The following ZNF765 variants were observed in gnomAD, a reference collection of about 807,000 sequenced individuals.
ZNF765 encodes the protein zinc finger protein 765.
ZNF765 carries 37 observed loss-of-function variants against 44.7 expected under a neutral mutation model. The observed-to-expected ratio is 0.83, with a 90% CI of 0.64 to 1.09. The LOEUF (loss-of-function observed/expected upper bound fraction) is 1.09. Among genes scored for constraint, ZNF765 ranks in the 50% least tolerant of loss-of-function variants. The pLI, the probability that ZNF765 is intolerant of heterozygous loss-of-function variation, is 0.00. For missense variants in ZNF765, 594 were observed against 626.1 expected (o/e 0.95, Z 0.55); for synonymous variants, 201 against 213.7 (o/e 0.94, Z 0.52).
chr19:53,419,606 G>C (rs2085895607), intron 3 of ZNF765, among the ~76,000 whole-genome samples: 2 of 152,202 alleles, frequency 1.3e-5, no homozygotes, highest in African/African-American at 4.8e-5. Context: ...CAACAATTCG[G>C]TAAGTTGGTG....
chr19:53,400,294 C>T (rs2085710644), intron 2 of ZNF765, among the ~76,000 whole-genome samples: 1 of 152,162 alleles, frequency 6.6e-6, no homozygotes, highest in Non-Finnish European at 1.5e-5. Flanking sequence ...TTGACATCTG[C>T]ATTGGAAATT....
At chr19:53,414,365 G>C (rs2085857276), downstream of ZNF765, among the ~76,000 whole-genome samples, 1 of 149,684 alleles carries the variant, frequency 6.7e-6, no homozygotes, top group East Asian at 2.0e-4. Context: ...TCTGTCTTCG[G>C]GTGCCTTCCC....
At chr19:53,406,253 A>G (rs1346242928) in intron 3 of ZNF765, among the ~76,000 whole-genome samples, 1 of 148,232 alleles carries the variant, frequency 6.7e-6, no homozygotes, top group Non-Finnish European at 1.5e-5. Context: ...CTACTCTTGA[A>G]CTCCTCACCT....
exon 4 of ZNF765, chr19:53,426,250 A>G (rs910915694): frequency 6.6e-6 from 1 of 152,432 alleles, no homozygotes; most frequent in African/African-American, 2.4e-5. Context: ...GTCAGCGGGG[A>G]ATGTGCCTGC....
At chr19:53,407,206 T>G (rs539215889) in intron 3 of ZNF765, among the ~76,000 whole-genome samples, 1 of 152,314 alleles carries the variant, frequency 6.6e-6, no homozygotes, top group South Asian at 2.1e-4. Context: ...TCTTTTCTTA[T>G]CTTCTCAGTG....
rs750915228 is a variant in ZNF765, at chr19:53,407,810, T to C, written c.255T>C (p.Phe85=). The change falls in exon 4 of 4, where the codon TTT becomes TTC. Residue 85 remains phenylalanine, a synonymous_variant. Transcript: ENST00000396408. ...ATGAAAGTCATCACAATGGAGATTT[T>C]TGTTTCCAGGATATTGATAAAGATA... ...QRHESHHNGD[F]CFQDIDKDIH... The C allele has an allele frequency of 6.2e-7, 1 of 1,613,540 alleles. No homozygotes were observed. Among genetic ancestry groups the C allele is most frequent in the South Asian group, 1.1e-5 (1 of 90,930 alleles).
downstream of ZNF765, among the ~76,000 whole-genome samples, chr19:53,414,628 CAG>C (rs1165231807): frequency 2.6e-5 from 4 of 151,450 alleles, no homozygotes; most frequent in Admixed American, 2.0e-4. Context: ...TACGGGATGA[CAG>C]GGGCCTAGAG....
At chr19:53,418,398 G>A (rs1486637078) in intron 3 of ZNF765, among the ~76,000 whole-genome samples, 1 of 152,108 alleles carries the variant, frequency 6.6e-6, no homozygotes, top group African/African-American at 2.4e-5. Flanking sequence ...GCTGTGACAG[G>A]TAAAATGATC....
At position 53,398,144 on chromosome 19, in the gene ZNF765, C is replaced by G. The variant is rs755092374; in HGVS notation, c.15+114C>G. Reference sequence around the variant, plus strand: ...ATCTTGCCTGACAGGTTTGCTCGCACTCACCCATGCCTTCCTTCATTCCCT... The same window carrying G: ...ATCTTGCCTGACAGGTTTGCTCGCAGTCACCCATGCCTTCCTTCATTCCCT... On this transcript the variant is annotated intron_variant, in intron 2 of 3. Coordinates refer to ENST00000396408, the MANE Select transcript of ZNF765 (RefSeq NM_001040185.3). 8 of 1,562,610 alleles carry G rather than the reference C, an allele frequency of 5.1e-6. No individual in the cohort carries two copies. The African/African-American group carries it at 8.1e-5, about 16-fold the overall frequency.
chr19:53,416,040 T>A (rs2085872964), downstream of ZNF765, among the ~76,000 whole-genome samples: 2 of 152,024 alleles, frequency 1.3e-5, no homozygotes, highest in South Asian at 4.2e-4. Flanking sequence ...CTGCAACCTC[T>A]GCCTCCCAGG....
chr19:53,398,676 G>C (rs1277214478), intron 2 of ZNF765, among the ~76,000 whole-genome samples: 1 of 152,088 alleles, frequency 6.6e-6, no homozygotes, highest in Non-Finnish European at 1.5e-5. Context: ...GAGACTGTGG[G>C]GTTCCTGTGG....
downstream of ZNF765, among the ~76,000 whole-genome samples, chr19:53,415,224 C>G (rs1243783281): frequency 3.3e-5 from 5 of 151,162 alleles, no homozygotes; most frequent in Non-Finnish European, 5.9e-5. Context: ...AAGCGGAAAT[C>G]ACGCCATTGC....
intron 3 of ZNF765, 43 bp from the exon 4 acceptor site, chr19:53,407,655 A>G: frequency 7.1e-7 from 1 of 1,405,624 alleles, no homozygotes; most frequent in Non-Finnish European, 9.6e-7. Flanking sequence ...ATTATTTACC[A>G]TCTGTACTTA....
chr19:53,420,971 A>G (rs2085903335), intron 3 of ZNF765, among the ~76,000 whole-genome samples: 1 of 152,136 alleles, frequency 6.6e-6, no homozygotes, highest in Non-Finnish European at 1.5e-5. Flanking sequence ...GGATTAGTGA[A>G]AGAGGAAGGC....
At chr19:53,427,236 G>A (rs1478552059) in exon 4 of ZNF765, 1 of 141,376 alleles carries the variant, frequency 7.1e-6, no homozygotes, top group Non-Finnish European at 1.5e-5. Flanking sequence ...TTGCTGGATT[G>A]TTTGGTCATT....
intron 3 of ZNF765, among the ~76,000 whole-genome samples, chr19:53,418,970 G>C (rs1053135289): frequency 3.3e-5 from 5 of 149,652 alleles, no homozygotes; most frequent in Non-Finnish European, 5.9e-5. Context: ...GCGAATCTTA[G>C]GGGTTTGAAA....
At chr19:53,414,751 C>T (rs1356517019), downstream of ZNF765, among the ~76,000 whole-genome samples, 1 of 148,690 alleles carries the variant, frequency 6.7e-6, no homozygotes, top group African/African-American at 2.5e-5. Context: ...TGTGCAGTCG[C>T]CATGGTCCAA....
chr19:53,410,731 C>T lies in ZNF765; in HGVS notation c.*1604C>T, dbSNP rs926676394. ...TTGTTCATAACTTGCAGTTCATCGGCGAACTCGTACTGGAGAGAAACCTTA... is the reference window on the plus strand; with the variant it reads ...TTGTTCATAACTTGCAGTTCATCGGTGAACTCGTACTGGAGAGAAACCTTA... On this transcript the variant is annotated 3_prime_UTR_variant, in exon 4 of 4. Transcript: ENST00000396408. 2.9e-5 allele frequency: 12 copies of T among 420,078 alleles called. No homozygotes were observed. In the East Asian group the frequency reaches 5.1e-4, roughly 18 times the overall value. The allele number at this position is 420,078 out of a possible 1,614,324, so 26.0% of individuals were successfully genotyped here.
downstream of ZNF765, among the ~76,000 whole-genome samples, chr19:53,414,482 CACACACA>C (rs2085861297): frequency 5.2e-4 from 8 of 15,244 alleles, no homozygotes; most frequent in African/African-American, 2.5e-3. Flanking sequence ...CACACACACA[CACACACA>C]CCCCCCCCCC....
Sources: allele counts gnomAD v4.1 joint callset (sites outside exome capture counted in the v4.1 genomes callset), GRCh38; gene constraint gnomAD v4.1.1; transcripts MANE v1.5; gene names NCBI Gene and HGNC (gene_info 2026-07-23, HGNC 2026-07-21).